Variants in NXN observed in about 807,000 individuals in gnomAD.
The protein encoded by NXN is nucleoredoxin 1.
A neutral mutation model predicts 48.6 loss-of-function variants in NXN; 16 were observed. The ratio of observed to expected loss-of-function variants is 0.33; its 90% confidence interval spans 0.22 to 0.50. The LOEUF (loss-of-function observed/expected upper bound fraction) is 0.50. Among genes scored for constraint, NXN ranks in the 20% least tolerant of loss-of-function variants. NXN has a pLI of 0.98. For missense variants in NXN, 492 were observed against 605.5 expected (o/e 0.81, Z 1.97); for synonymous variants, 281 against 269.6 (o/e 1.04, Z -0.41).
chr17:951,100 G>A (rs1401288648), intron 1 of NXN, among the ~76,000 whole-genome samples: 1 of 149,646 alleles, frequency 6.7e-6, no homozygotes, highest in Non-Finnish European at 1.5e-5. Context: ...ACTTTGGGAG[G>A]CCGAGGCTGG....
intron 7 of NXN, 134 bp downstream of exon 7, chr17:803,548 G>A: frequency 9.2e-7 from 1 of 1,092,362 alleles, no homozygotes; most frequent in Non-Finnish European, 1.3e-6. Context: ...TGCCACATTT[G>A]TCTGTGGGCT....
chr17:923,684 C>T (rs111671598), intron 1 of NXN, among the ~76,000 whole-genome samples: 38 of 152,352 alleles, frequency 2.5e-4, no homozygotes, highest in African/African-American at 6.5e-4. Context: ...ACAGAGTTTA[C>T]GCTCTTGTAA....
At position 958,641 on chromosome 17, in the gene NXN, T is replaced by G. The variant is rs908326316; in HGVS notation, c.360+20678A>C. 2.9e-4 allele frequency among the ~76,000 whole-genome samples: 44 copies of G among 151,972 alleles called. No individual in the cohort carries two copies. The highest frequency in any genetic ancestry group is 1.9e-3 in the South Asian group (9 of 4,818). On this transcript the variant is annotated intron_variant, in intron 1 of 7. Coordinates refer to ENST00000336868, the MANE Select transcript of NXN (RefSeq NM_022463.5). The surrounding 1 kb of genome is among the most constrained non-coding windows in gnomAD (Gnocchi z 6.9). ...CAAAAATTAGCCAGGCGTGGTGGCG[T>G]GCGCCTGTAGTCCCAGCTACTCAGG...
chr17:872,745 C>T (rs1224428947), intron 1 of NXN, among the ~76,000 whole-genome samples: 11 of 151,638 alleles, frequency 7.3e-5, no homozygotes, highest in African/African-American at 2.7e-4. Flanking sequence ...CTCAACCTCC[C>T]AAGTAGCTGG....
chr17:812,730 AGT>A (rs993936786), intron 5 of NXN, among the ~76,000 whole-genome samples: 6 of 131,320 alleles, frequency 4.6e-5, no homozygotes, highest in South Asian at 2.3e-4. Context: ...AGGGTGTGTG[AGT>A]GTAGGGTGCG....
intron 5 of NXN, among the ~76,000 whole-genome samples, chr17:816,435 G>A (rs933170292): frequency 6.6e-5 from 10 of 151,902 alleles, no homozygotes; most frequent in Non-Finnish European, 1.3e-4. Flanking sequence ...AAAACGTGTC[G>A]GCCGGGCCTC....
At chr17:896,859 C>CGGGGGGCG in intron 1 of NXN, 1 of 541,038 alleles carries the variant, frequency 1.8e-6, no homozygotes, top group Non-Finnish European at 2.9e-6. Context: ...TCCTGACCAC[C>CGGGGGGCG]CGCCCCCGGC....
At chr17:875,760 T>TGA (rs2068207489) in intron 1 of NXN, among the ~76,000 whole-genome samples, 1 of 123,680 alleles carries the variant, frequency 8.1e-6, no homozygotes, top group Non-Finnish European at 1.8e-5. Context: ...GCCTGGTAAA[T>TGA]TAAAAAAAAA....
intron 7 of NXN, 146 bp from the exon 8 acceptor site, chr17:801,277 G>T: frequency 1.9e-6 from 1 of 526,094 alleles, no homozygotes; most frequent in Non-Finnish European, 3.0e-6. Flanking sequence ...GCCTGGGAAG[G>T]AGGGAACCCT....
At chr17:820,382 C>G (rs1179708332) in intron 4 of NXN, among the ~76,000 whole-genome samples, 1 of 151,656 alleles carries the variant, frequency 6.6e-6, no homozygotes, top group Non-Finnish European at 1.5e-5. Context: ...GAGGCCAAGG[C>G]AGGTGAATCA....
At chr17:848,426 C>G (rs1159947286) in intron 1 of NXN, among the ~76,000 whole-genome samples, 1 of 152,244 alleles carries the variant, frequency 6.6e-6, no homozygotes, top group Non-Finnish European at 1.5e-5. Context: ...CAGGCGTGAG[C>G]CACTGCGCCC....
intron 1 of NXN, among the ~76,000 whole-genome samples, chr17:914,250 G>C (rs12938421): frequency 2.8e-4 from 9 of 32,364 alleles, no homozygotes; most frequent in African/African-American, 4.7e-4. Context: ...GGCCAGGCTG[G>C]TCTCGCACTC....
At chr17:811,627 G>A (rs1444900693) in intron 5 of NXN, among the ~76,000 whole-genome samples, 4 of 152,234 alleles carry the variant, frequency 2.6e-5, no homozygotes, top group East Asian at 1.9e-4. Flanking sequence ...CACACAGCCC[G>A]GCTCAGCCCA....
At chr17:915,665 G>C (rs144680594) in intron 1 of NXN, among the ~76,000 whole-genome samples, 150 of 152,302 alleles carry the variant, frequency 9.8e-4, no homozygotes, top group Non-Finnish European at 2.5e-4. Flanking sequence ...TTTGGTGCAG[G>C]AGGAAAGTAA....
At chr17:826,978 C>G (rs1913139056) in intron 1 of NXN, among the ~76,000 whole-genome samples, 2 of 152,214 alleles carry the variant, frequency 1.3e-5, no homozygotes, top group Admixed American at 1.3e-4. Context: ...TGTGTTCGTT[C>G]ACTGCCGTCG....
At chr17:833,556 A>T (rs1337893756) in intron 1 of NXN, among the ~76,000 whole-genome samples, 1 of 152,188 alleles carries the variant, frequency 6.6e-6, no homozygotes, top group Non-Finnish European at 1.5e-5. Flanking sequence ...CAGCGGTTTC[A>T]TAGTCATTTT....
At chr17:941,870 A>C (rs370610659) in intron 1 of NXN, among the ~76,000 whole-genome samples, 5 of 67,178 alleles carry the variant, frequency 7.4e-5, no homozygotes, top group Non-Finnish European at 1.2e-4. Flanking sequence ...CCCTGGATTT[A>C]CAGCGAACAA....
intron 1 of NXN, among the ~76,000 whole-genome samples, chr17:892,615 C>G (rs1376428210): frequency 2.5e-5 from 3 of 119,950 alleles, no homozygotes; most frequent in African/African-American, 9.4e-5. Flanking sequence ...ACTGCTGACA[C>G]TTTGCTGGGA....
intron 1 of NXN, among the ~76,000 whole-genome samples, chr17:828,806 C>T (rs1309715315): frequency 5.3e-5 from 8 of 152,176 alleles, no homozygotes; most frequent in East Asian, 1.9e-4. Flanking sequence ...CATCCTGCCA[C>T]GGGGATCAGC....
Sources: gnomAD v4.1 joint callset for allele counts (sites outside exome capture counted in the v4.1 genomes callset) on GRCh38, gnomAD v4.1.1 for gene constraint, Gnocchi (gnomAD v3.1) non-coding constraint, MANE v1.5 for transcripts, NCBI Gene and HGNC (gene_info 2026-07-23, HGNC 2026-07-21) for gene names.